The following RIGI variants were observed in gnomAD, a reference collection of about 807,000 sequenced individuals.
The protein encoded by RIGI is RNA sensor RIG-I.
At chr9:32,473,196 A>AG in the RIGI span, 1 of 497,900 alleles carries the variant, frequency 2.0e-6, no homozygotes, top group Non-Finnish European at 3.4e-6. Flanking sequence ...GACAAACCTG[A>AG]GAAAAAAAGC....
the RIGI span, among the ~76,000 whole-genome samples, chr9:32,506,268 GGAAT>G: frequency 2.0e-5 from 3 of 152,084 alleles, no homozygotes; most frequent in Non-Finnish European, 4.4e-5. Flanking sequence ...AATGAAGGAA[GGAAT>G]GAATGTTAAT....
At chr9:32,457,540 A>C in the RIGI span, 2 of 840,032 alleles carry the variant, frequency 2.4e-6, no homozygotes, top group Non-Finnish European at 3.5e-6. Flanking sequence ...GGTGGGTCTC[A>C]CTTATTTTAC....
the RIGI span, among the ~76,000 whole-genome samples, chr9:32,491,633 A>G: frequency 1.1e-3 from 165 of 150,436 alleles, no homozygotes; most frequent in African/African-American, 3.9e-3. Context: ...TTAGAGCTAT[A>G]TTACTCAAAG....
the RIGI span, chr9:32,477,175 A>T: frequency 1.9e-5 from 30 of 1,603,920 alleles, no homozygotes; most frequent in Non-Finnish European, 2.6e-5. Context: ...AAATTCTAAA[A>T]ATTTAGAACA....
the RIGI span, chr9:32,500,918 G>A: frequency 1.2e-6 from 2 of 1,614,046 alleles, no homozygotes; most frequent in African/African-American, 1.3e-5. Context: ...GTTTTTCTCA[G>A]CCTGAATATA....
At chr9:32,473,235 T>C in the RIGI span, among the ~76,000 whole-genome samples, 1 of 150,832 alleles carries the variant, frequency 6.6e-6, no homozygotes, top group Non-Finnish European at 1.5e-5. Context: ...ATGTAATAAT[T>C]AACTAAAATG....
At chr9:32,485,385 T>C in the RIGI span, 3 of 776,026 alleles carry the variant, frequency 3.9e-6, no homozygotes, top group East Asian at 7.6e-5. Context: ...TCTCTGCCTT[T>C]GATACTTCCT....
At chr9:32,460,146 C>G in the RIGI span, among the ~76,000 whole-genome samples, 26 of 152,164 alleles carry the variant, frequency 1.7e-4, no homozygotes, top group Non-Finnish European at 3.2e-4. Context: ...CCTCATTTTT[C>G]TCTTGCCGCT....
chr9:32,487,331 G>C, the RIGI span: 156 of 807,770 alleles, frequency 1.9e-4, no homozygotes, highest in Non-Finnish European at 2.7e-4. Flanking sequence ...TAAAAAATGT[G>C]ACTGTTACTC....
At chr9:32,472,781 A>G in the RIGI span, among the ~76,000 whole-genome samples, 2 of 152,218 alleles carry the variant, frequency 1.3e-5, no homozygotes, top group Admixed American at 1.3e-4. Context: ...TCTCATATAT[A>G]TGTATAATCA....
At chr9:32,480,641 A>G in the RIGI span, among the ~76,000 whole-genome samples, 1 of 152,198 alleles carries the variant, frequency 6.6e-6, no homozygotes, top group Non-Finnish European at 1.5e-5. Flanking sequence ...ACACATATCA[A>G]AATTTAAAAA....
the RIGI span, among the ~76,000 whole-genome samples, chr9:32,462,658 C>T: frequency 6.6e-6 from 1 of 152,068 alleles, no homozygotes; most frequent in Non-Finnish European, 1.5e-5. Context: ...ATCCACCCAC[C>T]TCAGCCTCCC....
chr9:32,489,951 C>G, the RIGI span, among the ~76,000 whole-genome samples: 1 of 152,190 alleles, frequency 6.6e-6, no homozygotes, highest in African/African-American at 2.4e-5. Context: ...AAGGCTTTAT[C>G]TCAATAACAG....
the RIGI span, among the ~76,000 whole-genome samples, chr9:32,490,034 G>A: frequency 6.6e-6 from 1 of 152,194 alleles, no homozygotes; most frequent in South Asian, 2.1e-4. Flanking sequence ...ACCCATTTTA[G>A]AGAAAGGGAG....
chr9:32,468,998 A>G, the RIGI span, among the ~76,000 whole-genome samples: 4 of 152,184 alleles, frequency 2.6e-5, no homozygotes, highest in East Asian at 7.7e-4. Flanking sequence ...TGTCTCTTCC[A>G]AACCAGACCC....
At chr9:32,466,971 T>C in the RIGI span, among the ~76,000 whole-genome samples, 3 of 152,028 alleles carry the variant, frequency 2.0e-5, no homozygotes, top group Non-Finnish European at 2.9e-5. Context: ...CAGCAAAACA[T>C]AGGTGGAAAA....
At chr9:32,493,114 G>T in the RIGI span, among the ~76,000 whole-genome samples, 2 of 152,180 alleles carry the variant, frequency 1.3e-5, no homozygotes, top group Non-Finnish European at 2.9e-5. Flanking sequence ...ACTTGCCCAA[G>T]ATCATACCGC....
the RIGI span, chr9:32,457,068 T>C: frequency 7.2e-7 from 1 of 1,397,738 alleles, no homozygotes; most frequent in South Asian, 1.2e-5. Flanking sequence ...TATGTTTGTT[T>C]CTTCTCCACT....
the RIGI span, among the ~76,000 whole-genome samples, chr9:32,466,717 AG>A: frequency 0.042 from 5,697 of 136,720 alleles, 338 homozygotes; most frequent in Middle Eastern, 0.11. Context: ...AAAAAAAAAA[AG>A]ACTCAAATGC....
Sources: gnomAD v4.1 joint callset for allele counts (sites outside exome capture counted in the v4.1 genomes callset) on GRCh38, gnomAD v4.1.1 for gene constraint, MANE v1.5 for transcripts, NCBI Gene and HGNC (gene_info 2026-07-23, HGNC 2026-07-21) for gene names.